The following RIPOR3 variants were observed in gnomAD, a reference collection of about 807,000 sequenced individuals.
The protein encoded by RIPOR3 is family with sequence similarity 65 member C.
RIPOR3 carries 95 observed loss-of-function variants against 114.3 expected under a neutral mutation model. The ratio of observed to expected loss-of-function variants is 0.83; its 90% CI spans 0.70 to 0.99. RIPOR3 has a LOEUF of 0.99. Ranked by LOEUF, RIPOR3 falls within the 50% of genes least tolerant of loss-of-function variation. The pLI, the probability that RIPOR3 is intolerant of heterozygous loss-of-function variation, is 0.00. For synonymous variants in RIPOR3, 575 were observed against 543.8 expected, an observed-to-expected ratio of 1.06 and a Z score of -0.80; for missense variants, 1,252 against 1,266.9, an observed-to-expected ratio of 0.99 and a Z score of 0.18.
chr20:50,670,126 C>T (rs561456630), intron 1 of RIPOR3, among the ~76,000 whole-genome samples: 1 of 142,398 alleles, frequency 7.0e-6, no homozygotes, highest in South Asian at 2.2e-4. Flanking sequence ...CATTGCACTC[C>T]AGCCTGGGCA....
intron 3 of RIPOR3, among the ~76,000 whole-genome samples, chr20:50,617,405 T>C (rs746452451): frequency 1.3e-5 from 2 of 152,056 alleles, no homozygotes; most frequent in Non-Finnish European, 2.9e-5. Context: ...AGAAACATGC[T>C]CTATCGTCCA....
chr20:50,675,591 T>C (rs764546027), intron 1 of RIPOR3, among the ~76,000 whole-genome samples: 15 of 152,232 alleles, frequency 9.9e-5, no homozygotes, highest in Non-Finnish European at 1.9e-4. Context: ...CCGACCACAC[T>C]GTGCTATCTT....
In RIPOR3 at chr20:50,594,604, T is replaced by C; in HGVS notation, c.2161A>G (p.Lys721Glu). 1.2e-6 allele frequency: 2 copies of C among 1,614,030 alleles called. No homozygotes were observed. The highest frequency in any genetic ancestry group is 1.3e-5 in the African/African-American group (1 of 75,018). ...CCTCTGACTCTGTGCTGGAAGGTTT[T>C]CTTGAGCTGGTTCAGCAGCGTCGTG... ...PATTLLNQLK[K>E]TFQHRVRGKY... The change falls in exon 17 of 22, where the codon AAA becomes GAA. Residue 721 changes from lysine (K) to glutamate (E), a missense_variant. Coordinates refer to ENST00000327979, the MANE Select transcript of RIPOR3 (RefSeq NM_001290268.2).
intron 1 of RIPOR3, among the ~76,000 whole-genome samples, chr20:50,639,696 AAAAT>A (rs2085118840): frequency 1.3e-5 from 2 of 152,224 alleles, no homozygotes; most frequent in African/African-American, 4.8e-5. Flanking sequence ...CCATGAGCCA[AAAAT>A]AAATAAATAC....
At chr20:50,590,815 CTTT>C (rs11476746) in intron 19 of RIPOR3, among the ~76,000 whole-genome samples, 20 of 131,636 alleles carry the variant, frequency 1.5e-4, no homozygotes, top group Non-Finnish European at 1.6e-4. Context: ...GATGAAGGCC[CTTT>C]TTTTTTTTTT....
chr20:50,600,046 G>A (rs745783476), intron 13 of RIPOR3, among the ~76,000 whole-genome samples: 2 of 152,084 alleles, frequency 1.3e-5, no homozygotes, highest in Admixed American at 1.3e-4. Flanking sequence ...GACTACAGGT[G>A]CACGCTACCA....
intron 1 of RIPOR3, among the ~76,000 whole-genome samples, chr20:50,641,699 C>G (rs962146388): frequency 2.6e-5 from 4 of 152,254 alleles, no homozygotes; most frequent in African/African-American, 9.6e-5. Flanking sequence ...CTTCCCCACC[C>G]AGGAGCTGTG....
intron 1 of RIPOR3, among the ~76,000 whole-genome samples, chr20:50,648,309 C>T (rs1335363454): frequency 4.0e-5 from 6 of 150,176 alleles, no homozygotes; most frequent in African/African-American, 1.5e-4. Context: ...CCAGGGTACT[C>T]TATGGTTTCC....
intron 2 of RIPOR3, among the ~76,000 whole-genome samples, chr20:50,624,517 T>C (rs977324934): frequency 6.6e-6 from 1 of 152,118 alleles, no homozygotes; most frequent in Non-Finnish European, 1.5e-5. Flanking sequence ...TAGTGCTCCT[T>C]GTGTGAGGTT....
At position 50,666,775 on chromosome 20, in the gene RIPOR3, G is replaced by T. The variant is rs146968453; in HGVS notation, c.3+24351C>A. On this transcript the variant is annotated intron_variant, in intron 1 of 21. Coordinates refer to ENST00000327979, the MANE Select transcript of RIPOR3 (RefSeq NM_001290268.2). ...GGGGTTTCACCATGTTGGCCAGGCT[G>T]GTCTCTAACTCCTGGCCTCAAGTGA... is the stretch of plus-strand genomic sequence containing the variant. Among the ~76,000 whole-genome samples the T allele has an allele frequency of 1.6e-3, 240 of 151,774 alleles. 1 individual carries two copies. Among genetic ancestry groups the T allele is most frequent in the Middle Eastern group, 3.4e-3 (1 of 290 alleles).
chr20:50,587,919 C>T (rs199517150), intron 20 of RIPOR3, 27 bp from the exon 21 acceptor site: 2 of 1,610,282 alleles, frequency 1.2e-6, no homozygotes, highest in Non-Finnish European at 1.7e-6. Context: ...GAAAAAGAAC[C>T]CTTTAGGGGG....
chr20:50,673,553 G>A (rs745331087), intron 1 of RIPOR3, among the ~76,000 whole-genome samples: 52 of 152,280 alleles, frequency 3.4e-4, no homozygotes, highest in Non-Finnish European at 6.3e-4. Context: ...CCCAGTCTCT[G>A]GAAATGACCC....
chr20:50,594,540 G>GT lies in RIPOR3; in HGVS notation c.2212+12_2212+13insA, dbSNP rs765280904. The GT allele has an allele frequency of 6.2e-7, 1 of 1,610,802 alleles. No individual in the cohort carries two copies. The highest frequency in any genetic ancestry group is 1.1e-5 in the South Asian group (1 of 90,870). On this transcript the variant is annotated intron_variant, in intron 17 of 21. Coordinates refer to ENST00000327979, the MANE Select transcript of RIPOR3 (RefSeq NM_001290268.2). Reference sequence around the variant, plus strand: ...TTCTGTGGGAGGGGACGACAGGACAGAAGGGAACCCACCTATTTCCAGCTG... The same window carrying GT: ...TTCTGTGGGAGGGGACGACAGGACAGTAAGGGAACCCACCTATTTCCAGCTG...
Position 50,589,730 on chromosome 20 carries a change from C to A in RIPOR3, c.2617G>T (p.Ala873Ser). 1 of 1,613,824 alleles carries A rather than the reference C, an allele frequency of 6.2e-7. No homozygotes were observed. The highest frequency in any genetic ancestry group is 8.5e-7 in the Non-Finnish European group (1 of 1,179,858). Reference sequence around the variant, plus strand: ...AGGCATGCGGCCTGCTGGAGCCTTGCGTCGTTCTCTGCCAGGGCGTTGGTG... The same window carrying A: ...AGGCATGCGGCCTGCTGGAGCCTTGAGTCGTTCTCTGCCAGGGCGTTGGTG... ...FYTNALAEND[A>S]RLQQAACLAL... The change falls in exon 20 of 22, where the codon GCA (alanine) becomes TCA (serine). Residue 873 changes from alanine (A) to serine (S), a missense_variant. Physicochemically the swap from Ala to Ser is moderately conservative, Grantham distance 99. Transcript: ENST00000327979.
chr20:50,589,901 C>T lies in RIPOR3; in HGVS notation c.2578-132G>A, dbSNP rs141783722. 1,668 of 726,766 alleles carry T rather than the reference C, an allele frequency of 2.3e-3. 16 individuals are homozygous for T. In the African/African-American group the frequency reaches 0.026, roughly 11 times the overall value. 45.0% of individuals were successfully genotyped at this position (726,766 alleles called of 1,614,324 possible). On this transcript the variant is annotated intron_variant, in intron 19 of 21. Coordinates refer to ENST00000327979, the MANE Select transcript of RIPOR3 (RefSeq NM_001290268.2). ...CTTTCTCTAAACAACGTTCAGGACA[C>T]GATCGGTCCATCTTTGGGCCCTGTG...
chr20:50,649,561 G>C (rs2085528461), intron 1 of RIPOR3, among the ~76,000 whole-genome samples: 1 of 152,206 alleles, frequency 6.6e-6, no homozygotes, highest in Admixed American at 6.5e-5. Flanking sequence ...TGGCCATGCA[G>C]CCAGGCCTGG....
At chr20:50,673,802 C>G (rs1238607845) in intron 1 of RIPOR3, among the ~76,000 whole-genome samples, 1 of 152,218 alleles carries the variant, frequency 6.6e-6, no homozygotes, top group Non-Finnish European at 1.5e-5. Context: ...CAGGCCCGGC[C>G]TGGGAAGTCA....
At chr20:50,639,232 A>G (rs1359224028) in intron 1 of RIPOR3, among the ~76,000 whole-genome samples, 1 of 149,822 alleles carries the variant, frequency 6.7e-6, no homozygotes, top group African/African-American at 2.5e-5. Context: ...ACAGAGCGAG[A>G]CTCCAACTCA....
intron 4 of RIPOR3, among the ~76,000 whole-genome samples, 155 bp from the exon 5 acceptor site, chr20:50,611,359 G>A (rs1252272981): frequency 2.6e-5 from 4 of 152,298 alleles, no homozygotes; most frequent in South Asian, 2.1e-4. Context: ...CTCTGCCAAC[G>A]GCAGACTGCT....
Sources: allele counts gnomAD v4.1 joint callset (sites outside exome capture counted in the v4.1 genomes callset), GRCh38; gene constraint gnomAD v4.1.1; transcripts MANE v1.5; gene names NCBI Gene and HGNC (gene_info 2026-07-23, HGNC 2026-07-21).